NUP107: variants seen among roughly 807,000 people sequenced by gnomAD.
The protein encoded by NUP107 is nuclear pore complex protein Nup107.
Under a neutral mutation model 141.0 loss-of-function variants are expected in NUP107, and 101 were observed. That is an observed-to-expected ratio of 0.72 (90% confidence interval 0.61 to 0.84). NUP107 has a LOEUF of 0.84. NUP107 is among the 40% of genes least tolerant of loss of function. The pLI, the probability that NUP107 is intolerant of heterozygous loss-of-function variation, is 0.00. For missense variants in NUP107, 941 were observed against 1,102.7 expected (o/e 0.85, Z 2.08); for synonymous variants, 319 against 363.9 (o/e 0.88, Z 1.41).
chr12:68,741,736 A>AT, intron 26 of NUP107, 77 bp from the exon 27 acceptor site: 1 of 1,369,214 alleles, frequency 7.3e-7, no homozygotes, highest in Non-Finnish European at 1.0e-6. Context: ...TCTGGGTTTG[A>AT]TTCAGTACCT....
At chr12:68,699,613 C>G (rs1241279719) in intron 6 of NUP107, among the ~76,000 whole-genome samples, 1 of 152,066 alleles carries the variant, frequency 6.6e-6, no homozygotes, top group Non-Finnish European at 1.5e-5. Flanking sequence ...GAATGAAGTA[C>G]AGATAACACT....
At chr12:68,722,030 G>A (rs1296363971) in intron 16 of NUP107, 44 bp downstream of exon 16, 1 of 1,610,722 alleles carries the variant, frequency 6.2e-7, no homozygotes, top group Admixed American at 1.7e-5. Context: ...TTTGTAGCAT[G>A]CTCTTTGATG....
In NUP107 at chr12:68,744,458, C is replaced by T. The variant is rs1309185116; in HGVS notation, c.*1996C>T. ...CGGAGTGCAGTGGCATGATATCTCA[C>T]TGCAAACCTCCGCCTCCTGGGTTCA... On this transcript the variant is annotated 3_prime_UTR_variant, in exon 28 of 28. Transcript: ENST00000229179. 6.6e-6 allele frequency: 1 copy of T among 152,238 alleles called. No homozygotes were observed. Among genetic ancestry groups the T allele is most frequent in the Admixed American group, 6.5e-5 (1 of 15,284 alleles). 9.4% of individuals were successfully genotyped at this position (152,238 alleles called of 1,614,324 possible). A position where few individuals can be genotyped will look rare whatever the true frequency, so the allele number is the denominator to read the frequency against.
chr12:68,693,158 A>T (rs1033406434), intron 5 of NUP107, among the ~76,000 whole-genome samples: 1 of 151,032 alleles, frequency 6.6e-6, no homozygotes, highest in African/African-American at 2.4e-5. Context: ...GCTCACTGCA[A>T]CCTCTACCTG....
In NUP107 at chr12:68,721,982, G is replaced by A. The variant is rs757012766; in HGVS notation, c.1453G>A (p.Ala485Thr). 1.2e-6 allele frequency: 2 copies of A among 1,613,400 alleles called. No homozygotes were observed. Among genetic ancestry groups the A allele is most frequent in the East Asian group, 2.2e-5 (1 of 44,856 alleles). The part of the protein sequence containing the change: ...TEELPREYLG[A>T]NWTLEKVFEE... ...AGAACTCCCTAGAGAATATCTGGGA[G>A]CAAAGTGAGTTTGTTGGATTGTTTT... The change falls in exon 16 of 28, where the codon GCA becomes ACA. Residue 485 changes from alanine (A) to threonine (T), a missense_variant. By Grantham distance (58) the Ala-to-Thr change is moderately conservative. Transcript: ENST00000229179.
chr12:68,716,984 G>A (rs1003004429), intron 12 of NUP107, among the ~76,000 whole-genome samples: 27 of 151,516 alleles, frequency 1.8e-4, no homozygotes, highest in South Asian at 1.0e-3. Flanking sequence ...TGCAACCTCC[G>A]CCTCCCAGGT....
chr12:68,709,586 T>C (rs564578095), intron 9 of NUP107, among the ~76,000 whole-genome samples: 1 of 152,254 alleles, frequency 6.6e-6, no homozygotes, highest in South Asian at 2.1e-4. Flanking sequence ...AAATAGTGTT[T>C]GGAAAAATTG....
At chr12:68,693,085 A>ATTTT (rs912996097) in intron 5 of NUP107, among the ~76,000 whole-genome samples, 45 of 132,110 alleles carry the variant, frequency 3.4e-4, no homozygotes, top group East Asian at 1.7e-3. Context: ...TTATTTATTT[A>ATTTT]TTTTTTTTTT....
intron 10 of NUP107, 24 bp downstream of exon 10, chr12:68,710,117 T>G: frequency 4.3e-6 from 5 of 1,162,442 alleles, no homozygotes; most frequent in Non-Finnish European, 6.4e-6. Context: ...CTTTAATTCT[T>G]AAGGTCACTC....
At chr12:68,730,150 G>C (rs1369464042) in intron 20 of NUP107, among the ~76,000 whole-genome samples, 1 of 148,430 alleles carries the variant, frequency 6.7e-6, no homozygotes, top group Non-Finnish European at 1.5e-5. Flanking sequence ...TTTTTTTGTA[G>C]AGACTGGGTC....
chr12:68,708,890 A>T (rs1175096183), intron 8 of NUP107, among the ~76,000 whole-genome samples: 1 of 152,194 alleles, frequency 6.6e-6, no homozygotes, highest in Non-Finnish European at 1.5e-5. Flanking sequence ...AAGTGCTGGG[A>T]TTACAGGTGT....
chr12:68,693,199 TC>T (rs1419239454), intron 5 of NUP107, among the ~76,000 whole-genome samples: 1 of 152,072 alleles, frequency 6.6e-6, no homozygotes, highest in East Asian at 1.9e-4. Context: ...TGCCTCAGTC[TC>T]CTGAGTAGCT....
Position 68,687,093 on chromosome 12 carries a change from G to A in NUP107, c.8+20G>A, listed in dbSNP as rs1393582379. On this transcript the variant is annotated intron_variant, in intron 1 of 27. Transcript: ENST00000229179. ...GGACAGGTCAGTACTGATGGTGGCA[G>A]CTGAGCCCGAAGTCTTGCCCGTCTC... 9.9e-6 allele frequency: 16 copies of A among 1,613,848 alleles called. No individual in the cohort carries two copies. The highest frequency in any genetic ancestry group is 1.4e-5 in the Non-Finnish European group (16 of 1,179,810).
chr12:68,700,255 G>A (rs1876265702), intron 6 of NUP107, among the ~76,000 whole-genome samples: 1 of 152,110 alleles, frequency 6.6e-6, no homozygotes, highest in African/African-American at 2.4e-5. Flanking sequence ...CTTTGGTGAT[G>A]TTTTGTTTAG....
In NUP107 at chr12:68,709,928, G is replaced by A. The variant is rs1008827459; in HGVS notation, c.802-77G>A. ...AAAATCTGAAACTGTTTGAATTAAG[G>A]GTAGTAGTACCACTACAAATAAAAC... On this transcript the variant is annotated intron_variant, in intron 9 of 27. Transcript: ENST00000229179. The A allele has an allele frequency of 4.4e-5, 35 of 803,884 alleles. No individual in the cohort carries two copies. In the African/African-American group the frequency reaches 5.1e-4, roughly 12 times the overall value. 49.8% of individuals were successfully genotyped at this position (803,884 alleles called of 1,614,324 possible).
chr12:68,688,080 AG>A (rs1427370575), intron 1 of NUP107, among the ~76,000 whole-genome samples: 2 of 152,236 alleles, frequency 1.3e-5, no homozygotes, highest in African/African-American at 2.4e-5. Context: ...ATACGTTTAA[AG>A]TGATGTTTGT....
At chr12:68,741,671 C>T (rs935876238) in intron 26 of NUP107, 142 bp from the exon 27 acceptor site, 7 of 621,076 alleles carry the variant, frequency 1.1e-5, no homozygotes, top group Non-Finnish European at 1.7e-5. Context: ...TCTCTGTAGT[C>T]TACGTTGTTC....
intron 20 of NUP107, among the ~76,000 whole-genome samples, chr12:68,730,235 T>TTTTTTTTTTTTTG: frequency 6.8e-6 from 1 of 147,396 alleles, no homozygotes; most frequent in African/African-American, 2.5e-5. Context: ...TTTTTTTTTT[T>TTTTTTTTTTTTTG]GAGAGAGTCT....
chr12:68,698,517 A>G (rs548834968), intron 6 of NUP107, among the ~76,000 whole-genome samples: 2 of 152,374 alleles, frequency 1.3e-5, no homozygotes, highest in East Asian at 3.9e-4. Context: ...TTACAGTTTT[A>G]TTCGTAACAA....
Sources: gnomAD v4.1 joint callset for allele counts (sites outside exome capture counted in the v4.1 genomes callset) on GRCh38, gnomAD v4.1.1 for gene constraint, MANE v1.5 for transcripts, NCBI Gene and HGNC (gene_info 2026-07-23, HGNC 2026-07-21) for gene names.